The following TACC1 variants were observed in gnomAD, a reference collection of about 807,000 sequenced individuals.
TACC1 encodes transforming acidic coiled-coil-containing protein 1.
TACC1 carries 48 observed loss-of-function variants against 84.4 expected under a neutral mutation model. That is an observed-to-expected ratio of 0.57 (90% CI 0.45 to 0.72). The LOEUF (loss-of-function observed/expected upper bound fraction) is 0.72, where lower values mean the gene tolerates loss of function less well. Among genes scored for constraint, TACC1 ranks in the 30% least tolerant of loss-of-function variants. The probability of loss-of-function intolerance (pLI) is 0.00; values close to 1 mark genes in which losing one functional copy is unlikely to be tolerated. For synonymous variants in TACC1, 372 were observed against 376.3 expected, an observed-to-expected ratio of 0.99 and a Z score of 0.13; for missense variants, 920 against 973.0, an observed-to-expected ratio of 0.95 and a Z score of 0.72.
chr8:38,766,733 A>G (rs1812325835), intron 3 of TACC1, among the ~76,000 whole-genome samples: 1 of 152,224 alleles, frequency 6.6e-6, no homozygotes, highest in African/African-American at 2.4e-5. Flanking sequence ...AATAGACATT[A>G]TTATCTGCAT....
intron 6 of TACC1, among the ~76,000 whole-genome samples, chr8:38,834,877 T>G (rs1160055916): frequency 6.6e-6 from 1 of 152,226 alleles, no homozygotes; most frequent in East Asian, 1.9e-4. Flanking sequence ...TGATTAGTTA[T>G]CCCACATTTA....
At chr8:38,839,572 A>G (rs1830831360) in intron 8 of TACC1, 1 of 301,402 alleles carries the variant, frequency 3.3e-6, no homozygotes, top group Non-Finnish European at 6.1e-6. Context: ...AGCCATCCAT[A>G]ATAACCAACT....
In TACC1 at chr8:38,826,005, G is replaced by A. The variant is rs531307989; in HGVS notation, c.1452+637G>A. On this transcript the variant is annotated intron_variant, in intron 4 of 12. Coordinates refer to ENST00000317827, the MANE Select transcript of TACC1 (RefSeq NM_006283.3). Reference sequence around the variant, plus strand: ...CAATAAATAATATCCATCCATGACCGTATAAACTAATTGCAAAACAAAGCG... The same window carrying A: ...CAATAAATAATATCCATCCATGACCATATAAACTAATTGCAAAACAAAGCG... Among the ~76,000 whole-genome samples, 8 of 152,274 alleles carry A rather than the reference G, an allele frequency of 5.3e-5. 1 individual carries two copies. The South Asian group carries it at 8.3e-4, about 16-fold the overall frequency.
intron 3 of TACC1, among the ~76,000 whole-genome samples, chr8:38,823,706 A>G (rs566584498): frequency 2.6e-5 from 4 of 152,296 alleles, no homozygotes; most frequent in African/African-American, 7.2e-5. Context: ...TTTTAGAAGA[A>G]AGGAGTGCTA....
chr8:38,842,594 T>TTCACTG, intron 10 of TACC1, 147 bp downstream of exon 10: 2 of 922,710 alleles, frequency 2.2e-6, no homozygotes, highest in Non-Finnish European at 1.6e-6. Context: ...TCTATTCCAG[T>TTCACTG]GAAGCTGGAT....
intron 2 of TACC1, among the ~76,000 whole-genome samples, chr8:38,810,676 G>T (rs1276509882): frequency 6.6e-6 from 1 of 152,130 alleles, no homozygotes. Flanking sequence ...TGAAAGTGTA[G>T]AATGGATATC....
At chr8:38,825,532 C>T (rs934874537) in intron 4 of TACC1, among the ~76,000 whole-genome samples, 164 bp downstream of exon 4, 1 of 152,038 alleles carries the variant, frequency 6.6e-6, no homozygotes, top group African/African-American at 2.4e-5. Context: ...AGAGAAGGCC[C>T]CTGAAGACAA....
At chr8:38,840,102 AT>A (rs1216838470) in intron 8 of TACC1, 121 bp from the exon 9 acceptor site, 27 of 500,898 alleles carry the variant, frequency 5.4e-5, no homozygotes, top group Non-Finnish European at 9.6e-5. Flanking sequence ...CCCAAAGCAG[AT>A]AAATGGATTA....
intron 2 of TACC1, among the ~76,000 whole-genome samples, chr8:38,810,957 A>G (rs921700947): frequency 2.6e-5 from 4 of 152,032 alleles, no homozygotes; most frequent in Non-Finnish European, 4.4e-5. Context: ...CCATCTGTAC[A>G]TACAAATTAA....
chr8:38,845,164 A>T (rs1215679829), intron 11 of TACC1, among the ~76,000 whole-genome samples: 1 of 152,196 alleles, frequency 6.6e-6, no homozygotes, highest in Non-Finnish European at 1.5e-5. Flanking sequence ...ACCTCAAGTG[A>T]TCCGCCCGCC....
upstream of TACC1, among the ~76,000 whole-genome samples, chr8:38,783,856 G>T (rs1816626641): frequency 6.6e-6 from 1 of 152,242 alleles, no homozygotes; most frequent in African/African-American, 2.4e-5. Context: ...AGGGAAGATT[G>T]TAATTCTATA....
rs1832791825 is a variant in TACC1, at chr8:38,849,254, A to G, written c.*1231A>G. On this transcript the variant is annotated 3_prime_UTR_variant, in exon 13 of 13. Transcript: ENST00000317827. Reference sequence around the variant, plus strand: ...TTTTTAAACAAAGACAGCTTGTTGAATACTGAGAAGAGGAGTGCAAGGAGA... The same window carrying G: ...TTTTTAAACAAAGACAGCTTGTTGAGTACTGAGAAGAGGAGTGCAAGGAGA... 1 of 152,236 alleles carries G rather than the reference A, an allele frequency of 6.6e-6. No individual in the cohort carries two copies. Among genetic ancestry groups the G allele is most frequent in the Admixed American group, 6.5e-5 (1 of 15,284 alleles). 9.4% of individuals were successfully genotyped at this position (152,236 alleles called of 1,614,324 possible).
At chr8:38,788,900 A>G in intron 2 of TACC1, 81 bp downstream of exon 2, 1 of 1,142,198 alleles carries the variant, frequency 8.8e-7, no homozygotes, top group Non-Finnish European at 1.3e-6. Flanking sequence ...AAAAAAGTGT[A>G]AATTTAGGAC....
exon 3 of TACC1, chr8:38,745,492 A>T: frequency 1.4e-6 from 1 of 690,816 alleles, no homozygotes; most frequent in Admixed American, 2.2e-5. Flanking sequence ...GAAACTTAAA[A>T]GGCAAGGGTT....
At chr8:38,730,221 T>G (rs1386374631) in intron 1 of TACC1, among the ~76,000 whole-genome samples, 1 of 152,230 alleles carries the variant, frequency 6.6e-6, no homozygotes, top group Admixed American at 6.5e-5. Context: ...AATGATCGCC[T>G]TCTGCCCTAG....
chr8:38,794,809 T>C (rs1019639019), intron 2 of TACC1, among the ~76,000 whole-genome samples: 4 of 152,216 alleles, frequency 2.6e-5, no homozygotes, highest in African/African-American at 4.8e-5. Context: ...CTAGAAATAA[T>C]GGGACTAATT....
chr8:38,843,298 G>A lies in TACC1; in HGVS notation c.2131G>A (p.Ala711Thr). 6.9e-6 allele frequency: 11 copies of A among 1,595,000 alleles called. No individual in the cohort carries two copies. The highest frequency in any genetic ancestry group is 1.2e-5 in the South Asian group (1 of 86,946). Residue 711 changes from alanine to threonine, a missense_variant, in exon 11 of 13, where the codon GCC becomes ACC. Physicochemically the swap from Ala to Thr is moderately conservative, Grantham distance 58. This residue lies in a region of TACC1 where 158 missense variants were observed against 225.6 expected (regional missense o/e 0.70). Transcript: ENST00000317827. ...TTTTGCTTTGGAACAGAATGAAGAA[G>A]CCTTGAAGAAATGTGCTCAGGATTA... ...VLEGFKKNEE[A>T]LKKCAQDYLA...
chr8:38,851,709 T>TA lies in TACC1; in HGVS notation c.*3687dup. 1 of 312,460 alleles carries TA rather than the reference T, an allele frequency of 3.2e-6. No homozygotes were observed. The highest frequency in any genetic ancestry group is 2.2e-5 in the African/African-American group (1 of 46,126). The allele number at this position is 312,460 out of a possible 1,614,324, so 19.4% of individuals were successfully genotyped here. The stretch of plus-strand genomic sequence containing the variant: ...TGCATTTCTGACTTTATCCTGTTGT[T>TA]AGGAAGATAGAAACTAGGTTTTGAA... On this transcript the variant is annotated 3_prime_UTR_variant, in exon 13 of 13. Coordinates refer to ENST00000317827, the MANE Select transcript of TACC1 (RefSeq NM_006283.3).
intron 2 of TACC1, among the ~76,000 whole-genome samples, chr8:38,809,305 T>C (rs1235987567): frequency 2.0e-5 from 3 of 152,074 alleles, no homozygotes; most frequent in Non-Finnish European, 4.4e-5. Flanking sequence ...TTCCTAGGTG[T>C]AGAGTGAGGA....
Sources: allele counts gnomAD v4.1 joint callset (sites outside exome capture counted in the v4.1 genomes callset), GRCh38; gene constraint gnomAD v4.1.1; regional missense constraint gnomAD v4.1.1; transcripts MANE v1.5; gene names NCBI Gene and HGNC (gene_info 2026-07-23, HGNC 2026-07-21).